SLC41A3: variants seen among roughly 807,000 people sequenced by gnomAD.
SLC41A3 encodes SLC41A1-like 2.
In SLC41A3, 44 loss-of-function variants were observed where a neutral mutation model predicts 45.4. That is an observed-to-expected ratio of 0.97 (90% CI 0.76 to 1.25). The LOEUF is 1.25. Among genes scored for constraint, SLC41A3 ranks in the 50% most tolerant of loss-of-function variants. SLC41A3 has a pLI of 0.00. For synonymous variants in SLC41A3, 256 were observed against 252.4 expected (o/e 1.01, Z -0.13); for missense variants, 550 against 600.6 (o/e 0.92, Z 0.88).
chr3:126,066,274 A>T (rs1017348077), intron 2 of SLC41A3, among the ~76,000 whole-genome samples: 1 of 152,210 alleles, frequency 6.6e-6, no homozygotes, highest in African/African-American at 2.4e-5. Flanking sequence ...ATCCACCAGG[A>T]ATGTCACCCT....
intron 2 of SLC41A3, among the ~76,000 whole-genome samples, chr3:126,064,510 C>T (rs1576342233): frequency 1.3e-5 from 2 of 152,266 alleles, no homozygotes; most frequent in African/African-American, 2.4e-5. Flanking sequence ...GTGGTCCTCA[C>T]CTGTCCAGAG....
chr3:126,071,661 ATT>A lies in SLC41A3; in HGVS notation c.-27-3417_-27-3416del, dbSNP rs201113368. Among the ~76,000 whole-genome samples the A allele has an allele frequency of 2.0e-3, 299 of 152,354 alleles. 2 individuals carry two copies. In the East Asian group the frequency reaches 0.028, roughly 14 times the overall value. ...TATCTTAGGAAAAATAACTTCAATA[ATT>A]TAAGACTGAAATCATACAAAATATG... On this transcript the variant is annotated intron_variant, in intron 1 of 10. Transcript: ENST00000360370.
Position 126,059,307 on chromosome 3 carries a change from A to AAAGGAAGGAAGG in SLC41A3, c.274-8258_274-8257insCCTTCCTTCCTT, listed in dbSNP as rs1330224854. Among the ~76,000 whole-genome samples the AAAGGAAGGAAGG allele has an allele frequency of 5.6e-3, 332 of 59,438 alleles. 4 individuals carry two copies. The highest frequency in any genetic ancestry group is 8.4e-3 in the African/African-American group (116 of 13,824). 39.0% of individuals were successfully genotyped at this position (59,438 alleles called of 152,430 possible). ...GAAAGAAAGAAAGAAAGAAAGAAAG[A>AAAGGAAGGAAGG]AAGGAAGGATGATCTGTGATAAGTG... On this transcript the variant is annotated intron_variant, in intron 2 of 10. Coordinates refer to ENST00000360370, the MANE Select transcript of SLC41A3 (RefSeq NM_017836.4).
intron 1 of SLC41A3, among the ~76,000 whole-genome samples, chr3:126,076,868 A>G (rs538596303): frequency 1.3e-5 from 2 of 152,178 alleles, no homozygotes; most frequent in African/African-American, 4.8e-5. Flanking sequence ...AGTTTCTTTC[A>G]GTTGACATTA....
upstream of SLC41A3, among the ~76,000 whole-genome samples, chr3:126,087,863 T>C (rs1945424328): frequency 6.6e-6 from 1 of 152,064 alleles, no homozygotes; most frequent in Admixed American, 6.5e-5. Context: ...TTTCTAGAGA[T>C]GGGTCTTTGA....
chr3:126,056,825 T>A, intron 2 of SLC41A3: 1 of 1,280,882 alleles, frequency 7.8e-7, no homozygotes, highest in South Asian at 2.1e-5. Context: ...AAGGTCAGGC[T>A]CTCCTCAGAC....
At chr3:126,044,895 C>CAAAAAAAAAAAAAAAAAAAAAAAAAAA (rs57581225) in intron 3 of SLC41A3, among the ~76,000 whole-genome samples, 3 of 82,716 alleles carry the variant, frequency 3.6e-5, no homozygotes, top group African/African-American at 1.2e-4. Context: ...GACTCCATCT[C>CAAAAAAAAAAAAAAAAAAAAAAAAAAA]AAAAAAAAAA....
chr3:126,057,668 G>C (rs751949019), intron 2 of SLC41A3, among the ~76,000 whole-genome samples: 1 of 152,226 alleles, frequency 6.6e-6, no homozygotes, highest in Non-Finnish European at 1.5e-5. Context: ...GCCCTCCCCA[G>C]TGTGGATCCT....
intron 2 of SLC41A3, among the ~76,000 whole-genome samples, chr3:126,051,957 T>C (rs1943365900): frequency 6.6e-6 from 1 of 152,120 alleles, no homozygotes; most frequent in African/African-American, 2.4e-5. Context: ...CCTAGGGACT[T>C]GGACAGTCAT....
chr3:126,099,878 G>A (rs369701531), intron 1 of SLC41A3, among the ~76,000 whole-genome samples: 1 of 152,196 alleles, frequency 6.6e-6, no homozygotes, highest in Non-Finnish European at 1.5e-5. Flanking sequence ...GCTTATGACA[G>A]CAAGGATTAA....
chr3:126,054,074 C>T (rs184819025), intron 2 of SLC41A3, among the ~76,000 whole-genome samples: 10 of 152,304 alleles, frequency 6.6e-5, no homozygotes, highest in Non-Finnish European at 1.2e-4. Flanking sequence ...GCCTCACCCT[C>T]GGGGTCATCT....
intron 2 of SLC41A3, among the ~76,000 whole-genome samples, chr3:126,062,023 C>T (rs572605661): frequency 6.6e-6 from 1 of 152,306 alleles, no homozygotes; most frequent in Non-Finnish European, 1.5e-5. Flanking sequence ...CAGACCCTCC[C>T]CTGCTCACCA....
At position 126,019,649 on chromosome 3, in the gene SLC41A3, T is replaced by C. The variant is rs1459128983; in HGVS notation, c.746-2774A>G. 2.0e-5 allele frequency among the ~76,000 whole-genome samples: 3 copies of C among 152,276 alleles called. No individual in the cohort carries two copies. In the East Asian group the frequency reaches 5.8e-4, roughly 29 times the overall value. ...GAAATGGACAAAAAGAAAAGACCAA[T>C]AGGCCAAAACCTGAGAGAGCAGACA... On this transcript the variant is annotated intron_variant, in intron 6 of 10. Coordinates refer to ENST00000360370, the MANE Select transcript of SLC41A3 (RefSeq NM_017836.4).
intron 1 of SLC41A3, chr3:126,101,411 G>A (rs1472912643): frequency 3.9e-5 from 6 of 152,362 alleles, no homozygotes; most frequent in Admixed American, 2.0e-4. Context: ...GGGGGATAAC[G>A]AAGTCTTATG....
chr3:126,034,932 C>A (rs1295264196), intron 3 of SLC41A3, among the ~76,000 whole-genome samples: 5 of 152,214 alleles, frequency 3.3e-5, no homozygotes, highest in Admixed American at 3.3e-4. Context: ...GTACAGCCCA[C>A]GTGGCAGCCT....
intron 10 of SLC41A3, among the ~76,000 whole-genome samples, chr3:126,008,260 C>T (rs547613400): frequency 1.2e-4 from 18 of 152,354 alleles, no homozygotes; most frequent in South Asian, 1.0e-3. Flanking sequence ...CAGTGCAGTA[C>T]GTAGCGTAAG....
chr3:126,085,712 G>C (rs1182494513), upstream of SLC41A3, among the ~76,000 whole-genome samples: 2 of 152,048 alleles, frequency 1.3e-5, no homozygotes, highest in African/African-American at 4.8e-5. Context: ...TTGAACTGTT[G>C]TTTTCATAGG....
chr3:126,086,992 T>C (rs1945407753), upstream of SLC41A3, among the ~76,000 whole-genome samples: 1 of 152,174 alleles, frequency 6.6e-6, no homozygotes, highest in Non-Finnish European at 1.5e-5. Flanking sequence ...TAAACTGTCT[T>C]TAAAATCATT....
In SLC41A3 at chr3:126,095,217, A is replaced by C; in HGVS notation, c.-79+6212T>G. On this transcript the variant is annotated intron_variant, in intron 1 of 9. Transcript: ENST00000508835. ...AAAATCAACAGCCGATTTGGATACC[A>C]TCAAGACACCTGAAACCTTATCATG... The C allele has an allele frequency of 5.8e-6, 4 of 691,340 alleles. No homozygotes were observed. In the South Asian group the frequency reaches 6.0e-5, roughly 10 times the overall value. 42.8% of individuals were successfully genotyped at this position (691,340 alleles called of 1,614,324 possible). A position where few individuals can be genotyped will look rare whatever the true frequency, so the allele number is the denominator to read the frequency against.
Sources: allele counts gnomAD v4.1 joint callset (sites outside exome capture counted in the v4.1 genomes callset), GRCh38; gene constraint gnomAD v4.1.1; transcripts MANE v1.5; gene names NCBI Gene and HGNC (gene_info 2026-07-23, HGNC 2026-07-21).